The following HSF2BP variants were observed in gnomAD, a reference collection of about 807,000 sequenced individuals.
HSF2BP encodes the protein heat shock factor 2-binding protein.
HSF2BP carries 35 observed loss-of-function variants against 35.0 expected under a neutral mutation model. The observed-to-expected ratio is 1.00, with a 90% confidence interval of 0.76 to 1.32. The LOEUF (loss-of-function observed/expected upper bound fraction) is 1.32. HSF2BP is among the 40% of genes most tolerant of loss of function. The probability of loss-of-function intolerance (pLI) is 0.00; values close to 1 mark genes in which losing one functional copy is unlikely to be tolerated. For missense variants in HSF2BP, 326 were observed against 321.7 expected (o/e 1.01, Z -0.10); for synonymous variants, 114 against 117.4 (o/e 0.97, Z 0.18).
chr21:43,629,321 T>A lies in HSF2BP; in HGVS notation c.574+1001A>T, dbSNP rs191898578. 1.1e-4 allele frequency among the ~76,000 whole-genome samples: 17 copies of A among 152,138 alleles called. No homozygotes were observed. In the East Asian group the frequency reaches 3.3e-3, roughly 29 times the overall value. On this transcript the variant is annotated intron_variant, in intron 6 of 8. Coordinates refer to ENST00000291560, the MANE Select transcript of HSF2BP (RefSeq NM_007031.2). The stretch of plus-strand genomic sequence containing the variant: ...TGGCTCATGCCTATAATCCCAGCAC[T>A]TTGGGAGGCTGAGGTGGGCAGATCA...
At chr21:43,578,763 G>A (rs934679071) in intron 8 of HSF2BP, among the ~76,000 whole-genome samples, 3 of 152,156 alleles carry the variant, frequency 2.0e-5, no homozygotes, top group Non-Finnish European at 4.4e-5. Flanking sequence ...AGGTTAGATG[G>A]GGCTAGGGCG....
At chr21:43,599,837 T>C (rs1056554582) in intron 7 of HSF2BP, among the ~76,000 whole-genome samples, 4 of 144,042 alleles carry the variant, frequency 2.8e-5, no homozygotes, top group African/African-American at 1.0e-4. Context: ...CAAACTAGTG[T>C]ACTAAGTGTT....
intron 3 of HSF2BP, among the ~76,000 whole-genome samples, chr21:43,644,959 G>T (rs2082689205): frequency 6.6e-6 from 1 of 152,196 alleles, no homozygotes; most frequent in African/African-American, 2.4e-5. Context: ...CACTCATTTA[G>T]TTGATGAGTC....
At chr21:43,602,157 C>A (rs1005626410) in intron 7 of HSF2BP, among the ~76,000 whole-genome samples, 1 of 152,172 alleles carries the variant, frequency 6.6e-6, no homozygotes, top group Non-Finnish European at 1.5e-5. Context: ...TTACAGGAAA[C>A]GGGAGAGAGA....
chr21:43,634,441 C>A (rs548848629), intron 4 of HSF2BP, among the ~76,000 whole-genome samples: 34 of 152,266 alleles, frequency 2.2e-4, no homozygotes, highest in African/African-American at 7.7e-4. Context: ...CAGTTAAATT[C>A]ATTTATACCA....
At chr21:43,649,842 G>C (rs1036998833) in intron 3 of HSF2BP, among the ~76,000 whole-genome samples, 1 of 152,142 alleles carries the variant, frequency 6.6e-6, no homozygotes, top group Non-Finnish European at 1.5e-5. Context: ...AGAATTGCTC[G>C]ATCTTAGCGA....
intron 8 of HSF2BP, among the ~76,000 whole-genome samples, chr21:43,586,927 TA>T (rs1224298928): frequency 6.6e-6 from 1 of 152,102 alleles, no homozygotes; most frequent in East Asian, 1.9e-4. Context: ...CTCGATCTTT[TA>T]AAAATTAGAA....
chr21:43,606,484 G>T (rs1040117716), intron 7 of HSF2BP, among the ~76,000 whole-genome samples: 1 of 152,100 alleles, frequency 6.6e-6, no homozygotes, highest in East Asian at 1.9e-4. Flanking sequence ...AGGGAACAAT[G>T]GTAGGAAAAG....
chr21:43,630,667 C>T (rs558859956), intron 5 of HSF2BP, among the ~76,000 whole-genome samples: 2 of 152,230 alleles, frequency 1.3e-5, no homozygotes, highest in South Asian at 2.1e-4. Flanking sequence ...ACTCTTCACA[C>T]GCATAAATAT....
At chr21:43,600,084 C>G (rs17004584) in intron 7 of HSF2BP, among the ~76,000 whole-genome samples, 3 of 151,988 alleles carry the variant, frequency 2.0e-5, no homozygotes, top group Non-Finnish European at 4.4e-5. Flanking sequence ...ACGAGTAACT[C>G]ATCTTCGATA....
chr21:43,627,946 T>G (rs2146985357), intron 6 of HSF2BP, among the ~76,000 whole-genome samples: 1 of 152,306 alleles, frequency 6.6e-6, no homozygotes, highest in East Asian at 1.9e-4. Context: ...TCTTTGATGT[T>G]ACCACTGTAA....
chr21:43,639,529 A>C (rs967622950), intron 4 of HSF2BP, among the ~76,000 whole-genome samples: 3 of 152,220 alleles, frequency 2.0e-5, no homozygotes, highest in Non-Finnish European at 4.4e-5. Flanking sequence ...CACAGACAGA[A>C]AATAAATGCA....
intron 6 of HSF2BP, among the ~76,000 whole-genome samples, chr21:43,619,289 G>T (rs1389446388): frequency 6.6e-6 from 1 of 152,116 alleles, no homozygotes. Context: ...CTCTGATAAG[G>T]TACTAGTATA....
At chr21:43,595,465 C>A (rs2081972641) in intron 7 of HSF2BP, among the ~76,000 whole-genome samples, 1 of 151,836 alleles carries the variant, frequency 6.6e-6, no homozygotes, top group African/African-American at 2.4e-5. Context: ...TGGAGGTCAG[C>A]CTGGGCAACA....
At chr21:43,467,867 A>C in the HSF2BP span, among the ~76,000 whole-genome samples, 1 of 125,942 alleles carries the variant, frequency 7.9e-6, no homozygotes, top group Non-Finnish European at 1.7e-5. Flanking sequence ...CACCACACAC[A>C]CACCAAACAC....
rs1284809568 is a variant in HSF2BP, at chr21:43,633,290, G to A, written c.423C>T (p.Val141=). The change falls in exon 5 of 9, where the codon GTC becomes GTT. Residue 141 remains valine, a synonymous_variant. Transcript: ENST00000291560. ...TACTTACTCCTCCCAAAATGGCCTT[G>A]ACGACTTCCTCACTGCTGGAGACAC... The part of the protein sequence containing the change: ...LWGVSSSEEV[V]KAILGGDKAL... 1 of 1,613,020 alleles carries A rather than the reference G, an allele frequency of 6.2e-7. No homozygotes were observed. Among genetic ancestry groups the A allele is most frequent in the Admixed American group, 1.7e-5 (1 of 59,726 alleles).
chr21:43,582,078 G>A (rs1272448833), intron 8 of HSF2BP, among the ~76,000 whole-genome samples: 1 of 133,630 alleles, frequency 7.5e-6, no homozygotes, highest in Non-Finnish European at 1.6e-5. Context: ...TGGGAGATGA[G>A]GGCCTGCTGT....
intron 5 of HSF2BP, among the ~76,000 whole-genome samples, 176 bp downstream of exon 5, chr21:43,633,096 C>G (rs767702587): frequency 6.6e-6 from 1 of 152,160 alleles, no homozygotes; most frequent in Non-Finnish European, 1.5e-5. Flanking sequence ...ATTTCATTCC[C>G]TTTGCATCAG....
chr21:43,636,213 GAAAA>G (rs2082553543), intron 4 of HSF2BP, among the ~76,000 whole-genome samples: 5 of 19,508 alleles, frequency 2.6e-4, no homozygotes, highest in African/African-American at 2.1e-3. Flanking sequence ...AGAAAGAAAA[GAAAA>G]GAAAAGAAAA....
Sources: allele counts gnomAD v4.1 joint callset (sites outside exome capture counted in the v4.1 genomes callset), GRCh38; gene constraint gnomAD v4.1.1; transcripts MANE v1.5; gene names NCBI Gene and HGNC (gene_info 2026-07-23, HGNC 2026-07-21).